Variants in DNAH7 observed in about 807,000 individuals in gnomAD.
DNAH7 encodes the protein axonemal beta dynein heavy chain 7.
A neutral mutation model predicts 444.6 loss-of-function variants in DNAH7; 397 were observed. The ratio of observed to expected loss-of-function variants is 0.89; its 90% confidence interval spans 0.82 to 0.97. The LOEUF is 0.97. Among genes scored for constraint, DNAH7 ranks in the 50% least tolerant of loss-of-function variants. The pLI is 0.00. For synonymous variants in DNAH7, 1,636 were observed against 1,624.4 expected, an observed-to-expected ratio of 1.01 and a Z score of -0.17; for missense variants, 4,902 against 4,800.8, an observed-to-expected ratio of 1.02 and a Z score of -0.62.
rs1692721936 is a variant in DNAH7, at chr2:195,737,789, T to G, written c.*132A>C. The G allele has an allele frequency of 1.3e-6, 1 of 759,102 alleles. No homozygotes were observed. The highest frequency in any genetic ancestry group is 2.1e-6 in the Non-Finnish European group (1 of 479,860). 47.0% of individuals were successfully genotyped at this position (759,102 alleles called of 1,614,324 possible). A position where few individuals can be genotyped will look rare whatever the true frequency, so the allele number is the denominator to read the frequency against. On this transcript the variant is annotated 3_prime_UTR_variant, in exon 65 of 65. Coordinates refer to ENST00000312428, the MANE Select transcript of DNAH7 (RefSeq NM_018897.3). The stretch of plus-strand genomic sequence containing the variant: ...TATTAAGTTTAGCTGCATTTGCTCA[T>G]AAGTAAATTCATAATTATAACTTTA...
rs1399764047 is a variant in DNAH7 at position 195,872,453 on chromosome 2, C to A, written c.6430G>T (p.Glu2144Ter). The change falls in exon 40 of 65, where the codon GAA becomes TAA. Residue 2144 changes from glutamate (E) to a stop codon, truncating the protein, a stop_gained. Coordinates refer to ENST00000312428, the MANE Select transcript of DNAH7 (RefSeq NM_018897.3). LOFTEE classifies it high-confidence loss of function. ...ATTTGTGTGGTCAAATCTAGAAATT[C>A]ATCTGGAAATTTATAACTTAAAAAT... ...HLEICYKFPD[E>*]FLDLTTQIVN... 1 of 1,586,418 alleles carries A rather than the reference C, an allele frequency of 6.3e-7. No individual in the cohort carries two copies. Among genetic ancestry groups the A allele is most frequent in the Admixed American group, 1.7e-5 (1 of 57,864 alleles).
chr2:196,032,916 T>C (rs1207943800), intron 5 of DNAH7, among the ~76,000 whole-genome samples: 1 of 152,060 alleles, frequency 6.6e-6, no homozygotes, highest in African/African-American at 2.4e-5. Context: ...TTACACACAA[T>C]GACTAAGTGA....
In DNAH7 at chr2:195,777,818, A is replaced by G. The variant is rs758492279; in HGVS notation, c.11046T>C (p.Phe3682=). ...TACTTACATCACCAGAAGGAGGAAC[A>G]AAATAGATGCCACTTGAGTCGAACT... ...DYKFDSSGIY[F]VPPSGDHKSY... The change falls in exon 59 of 65, where the codon TTT becomes TTC. Residue 3682 remains phenylalanine (F), a synonymous_variant. Coordinates refer to ENST00000312428, the MANE Select transcript of DNAH7 (RefSeq NM_018897.3). The G allele has an allele frequency of 1.9e-6, 3 of 1,612,976 alleles. No homozygotes were observed. Among genetic ancestry groups the G allele is most frequent in the South Asian group, 1.1e-5 (1 of 90,918 alleles).
At chr2:195,762,677 T>C (rs531570824) in intron 61 of DNAH7, among the ~76,000 whole-genome samples, 59 of 151,944 alleles carry the variant, frequency 3.9e-4, no homozygotes, top group Non-Finnish European at 7.6e-4. Context: ...AGCAAGAGGA[T>C]ATAACAATTT....
Position 196,032,038 on chromosome 2 carries a change from A to G in DNAH7, c.399-3991T>C, listed in dbSNP as rs1338710724. On this transcript the variant is annotated intron_variant, in intron 5 of 64. Coordinates refer to ENST00000312428, the MANE Select transcript of DNAH7 (RefSeq NM_018897.3). ...ACATACCCGAAACTGGGCAATTTAC[A>G]AAAGAAATAGGTTTAATAGAACTTA... Among the ~76,000 whole-genome samples the G allele has an allele frequency of 2.0e-5, 3 of 152,342 alleles. No homozygotes were observed. The East Asian group carries it at 5.8e-4, about 29-fold the overall frequency.
chr2:195,741,920 AATTTT>A (rs1693061093), intron 63 of DNAH7, among the ~76,000 whole-genome samples: 1 of 152,212 alleles, frequency 6.6e-6, no homozygotes, highest in Non-Finnish European at 1.5e-5. Flanking sequence ...CTGAATTTTA[AATTTT>A]ATTTTAATTA....
rs372777853 is a variant in DNAH7 at position 195,876,773 on chromosome 2, A to G, written c.5962-74T>C. The stretch of plus-strand genomic sequence containing the variant: ...CATTTCAGAATAAACACTAAGCATC[A>G]TTACTGATAGACTCGAATTTAACCT... On this transcript the variant is annotated intron_variant, in intron 36 of 64. Transcript: ENST00000312428. The G allele has an allele frequency of 1.8e-5, 18 of 1,023,212 alleles. No homozygotes were observed. In the East Asian group the frequency reaches 4.6e-4, roughly 26 times the overall value. 63.4% of individuals were successfully genotyped at this position (1,023,212 alleles called of 1,614,324 possible).
At chr2:195,855,387 A>G (rs1271295497) in intron 45 of DNAH7, among the ~76,000 whole-genome samples, 1 of 152,152 alleles carries the variant, frequency 6.6e-6, no homozygotes. Flanking sequence ...CTGCCATACA[A>G]CCTACGTCAC....
At position 195,986,930 on chromosome 2, in the gene DNAH7, C is replaced by A. The variant is rs547100476; in HGVS notation, c.1754+136G>T. 2.0e-5 allele frequency: 16 copies of A among 795,378 alleles called. No individual in the cohort carries two copies. In the African/African-American group the frequency reaches 2.8e-4, roughly 14 times the overall value. The allele number at this position is 795,378 out of a possible 1,614,324, so 49.3% of individuals were successfully genotyped here. A position where few individuals can be genotyped will look rare whatever the true frequency, so the allele number is the denominator to read the frequency against. On this transcript the variant is annotated intron_variant, in intron 14 of 64. Coordinates refer to ENST00000312428, the MANE Select transcript of DNAH7 (RefSeq NM_018897.3). Reference sequence around the variant, plus strand: ...TCACAAAGTGACACTTAAAGCCAAGCAGAAATAAGTTTAGCATAATCATTT... The same window carrying A: ...TCACAAAGTGACACTTAAAGCCAAGAAGAAATAAGTTTAGCATAATCATTT...
Position 195,888,318 on chromosome 2 carries a change from T to C in DNAH7, c.5346A>G (p.Ile1782Met). Residue 1782 changes from isoleucine (I) to methionine (M), a missense_variant, in exon 33 of 65, where the codon ATA becomes ATG. Physicochemically the swap from Ile to Met is conservative, Grantham distance 10. Coordinates refer to ENST00000312428, the MANE Select transcript of DNAH7 (RefSeq NM_018897.3). ...ASVSVIQKEF[I>M]MGLFDRMVPV... ...GGACCATTCTGTCAAATAAGCCCAT[T>C]ATGAATTCCTTTTGAATAACACTGA... 1 of 1,611,370 alleles carries C rather than the reference T, an allele frequency of 6.2e-7. No homozygotes were observed. Among genetic ancestry groups the C allele is most frequent in the South Asian group, 1.1e-5 (1 of 90,614 alleles).
chr2:196,040,162 AT>A (rs1190891731), intron 5 of DNAH7, among the ~76,000 whole-genome samples: 2 of 152,132 alleles, frequency 1.3e-5, no homozygotes, highest in African/African-American at 4.8e-5. Flanking sequence ...ACTAACACCA[AT>A]TTTTCTCAAA....
intron 63 of DNAH7, among the ~76,000 whole-genome samples, chr2:195,749,571 T>C (rs889837872): frequency 1.3e-5 from 2 of 151,738 alleles, no homozygotes; most frequent in South Asian, 4.2e-4. Context: ...AGCAAAGACT[T>C]GGAACCAACC....
intron 19 of DNAH7, among the ~76,000 whole-genome samples, chr2:195,954,346 A>T (rs1228757144): frequency 6.6e-6 from 1 of 152,206 alleles, no homozygotes; most frequent in East Asian, 1.9e-4. Context: ...GTCCCTACAA[A>T]GGACATGAAC....
At chr2:196,041,611 G>T (rs1316768519) in intron 5 of DNAH7, among the ~76,000 whole-genome samples, 1 of 152,006 alleles carries the variant, frequency 6.6e-6, no homozygotes, top group African/African-American at 2.4e-5. Context: ...AGTACTAGAA[G>T]AAAACATTGG....
chr2:195,864,277 T>C lies in DNAH7; in HGVS notation c.7378A>G (p.Met2460Val), dbSNP rs1030474601. The change falls in exon 41 of 65, where the codon ATG (methionine) becomes GTG (valine). Residue 2460 changes from methionine to valine, a missense_variant. Physicochemically the swap from Met to Val is conservative, Grantham distance 21 (BLOSUM62 1). Transcript: ENST00000312428. ...TDGSPIALFN[M>V]FIDHCRSQLH... ...TGGCTGCGGCAATGATCAATAAACA[T>C]GTTGAAAAGGGCTATGGGGCTGCCA... 8 of 1,614,010 alleles carry C rather than the reference T, an allele frequency of 5.0e-6. No homozygotes were observed. The East Asian group carries it at 8.9e-5, about 18-fold the overall frequency.
At chr2:195,785,841 C>CT (rs1328625099) in intron 58 of DNAH7, among the ~76,000 whole-genome samples, 1 of 151,978 alleles carries the variant, frequency 6.6e-6, no homozygotes, top group Non-Finnish European at 1.5e-5. Context: ...GCTTCTCATC[C>CT]TTTTTTATTT....
At chr2:196,021,796 T>C (rs568234823) in intron 8 of DNAH7, among the ~76,000 whole-genome samples, 18 of 151,632 alleles carry the variant, frequency 1.2e-4, no homozygotes, top group African/African-American at 3.6e-4. Context: ...CACTCCAACC[T>C]GGGAAACAAA....
chr2:195,946,464 T>A (rs1689810572), intron 19 of DNAH7, among the ~76,000 whole-genome samples: 1 of 152,050 alleles, frequency 6.6e-6, no homozygotes, highest in Non-Finnish European at 1.5e-5. Flanking sequence ...CTGTGTTGGA[T>A]CTTCACCTGT....
In DNAH7 at chr2:195,808,861, A is replaced by G. The variant is rs1181273807; in HGVS notation, c.9904T>C (p.Trp3302Arg). The change falls in exon 53 of 65, where the codon TGG becomes CGG. Residue 3302 changes from tryptophan (W) to arginine (R), a missense_variant. Physicochemically the swap from Trp to Arg is moderately radical, Grantham distance 101 (BLOSUM62 -3). Transcript: ENST00000312428. ...LHERAINKAE[W>R]RFLLTGGIGL... Reference sequence around the variant, plus strand: ...ATGCCACCAGTTAGCAGAAATCTCCACTCAGCTTTATTAATCTTTGGAAAA... The same window carrying G: ...ATGCCACCAGTTAGCAGAAATCTCCGCTCAGCTTTATTAATCTTTGGAAAA... 6.2e-7 allele frequency: 1 copy of G among 1,613,250 alleles called. No homozygotes were observed. The highest frequency in any genetic ancestry group is 1.1e-5 in the South Asian group (1 of 90,956).
Sources: gnomAD v4.1 joint callset for allele counts (sites outside exome capture counted in the v4.1 genomes callset) on GRCh38, gnomAD v4.1.1 for gene constraint, MANE v1.5 for transcripts, NCBI Gene and HGNC (gene_info 2026-07-23, HGNC 2026-07-21) for gene names.